Variants in EFCAB14 observed in about 807,000 individuals in gnomAD.
EFCAB14 encodes the protein EF-hand calcium-binding domain-containing protein 14.
Under a neutral mutation model 56.5 loss-of-function variants are expected in EFCAB14, and 43 were observed. The ratio of observed to expected loss-of-function variants is 0.76; its 90% CI spans 0.60 to 0.98. The LOEUF is 0.98. Among genes scored for constraint, EFCAB14 ranks in the 50% least tolerant of loss-of-function variants. EFCAB14 has a pLI of 0.00. For synonymous variants in EFCAB14, 235 were observed against 212.9 expected (o/e 1.10, Z -0.90); for missense variants, 538 against 580.3 (o/e 0.93, Z 0.75).
At chr1:46,695,412 T>C (rs536766571) in intron 4 of EFCAB14, among the ~76,000 whole-genome samples, 3 of 152,188 alleles carry the variant, frequency 2.0e-5, no homozygotes, top group South Asian at 4.1e-4. Flanking sequence ...ATTGGACAAG[T>C]AGCAAATTAT....
intron 5 of EFCAB14, among the ~76,000 whole-genome samples, chr1:46,691,403 CAT>C (rs754513430): frequency 5.9e-5 from 9 of 152,314 alleles, no homozygotes; most frequent in South Asian, 2.1e-4. Context: ...TCCACGAGCA[CAT>C]GTTTCAGCAT....
chr1:46,697,336 C>T (rs953733777), intron 3 of EFCAB14, among the ~76,000 whole-genome samples: 12 of 152,164 alleles, frequency 7.9e-5, no homozygotes, highest in African/African-American at 2.9e-4. Flanking sequence ...ATGAGGCTTC[C>T]GTTCTGCTAT....
chr1:46,707,821 T>C, intron 3 of EFCAB14, 85 bp downstream of exon 3: 1 of 1,353,584 alleles, frequency 7.4e-7, no homozygotes, highest in Non-Finnish European at 9.9e-7. Flanking sequence ...GAATTCCCTA[T>C]ACCTACAATT....
chr1:46,709,976 G>A (rs1466119322), intron 2 of EFCAB14, among the ~76,000 whole-genome samples: 2 of 152,032 alleles, frequency 1.3e-5, no homozygotes, highest in African/African-American at 2.4e-5. Context: ...CGGCCGGAGC[G>A]AGACTCCATC....
At chr1:46,711,873 T>C (rs1677312958) in intron 2 of EFCAB14, among the ~76,000 whole-genome samples, 2 of 152,322 alleles carry the variant, frequency 1.3e-5, no homozygotes, top group Middle Eastern at 6.8e-3. Flanking sequence ...GCCCCCACCA[T>C]GTGTCCATCC....
At chr1:46,697,815 T>C (rs951339931) in intron 3 of EFCAB14, among the ~76,000 whole-genome samples, 3 of 150,630 alleles carry the variant, frequency 2.0e-5, no homozygotes, top group Admixed American at 6.6e-5. Context: ...CAGATTGTAA[T>C]AAGTACTGTG....
At chr1:46,712,529 T>C (rs1028206030) in intron 2 of EFCAB14, among the ~76,000 whole-genome samples, 16 of 152,284 alleles carry the variant, frequency 1.1e-4, no homozygotes, top group Middle Eastern at 3.4e-3. Flanking sequence ...TCTGCTTTGC[T>C]TTCTATTTCA....
chr1:46,718,345 G>A lies in EFCAB14; in HGVS notation c.-258C>T, dbSNP rs1569747385. ...GGAGCTGGTGACCCCAAAGGATAAG[G>A]CCTTGGGTGCAGAGTGTTAGTAGAG... On this transcript the variant is annotated 5_prime_UTR_variant, in exon 1 of 11. Coordinates refer to ENST00000371933, the MANE Select transcript of EFCAB14 (RefSeq NM_014774.3). 6 of 418,452 alleles carry A rather than the reference G, an allele frequency of 1.4e-5. No individual in the cohort carries two copies. The East Asian group carries it at 2.4e-4, about 16-fold the overall frequency. 25.9% of individuals were successfully genotyped at this position (418,452 alleles called of 1,614,324 possible). A position where few individuals can be genotyped will look rare whatever the true frequency, so the allele number is the denominator to read the frequency against.
intron 4 of EFCAB14, among the ~76,000 whole-genome samples, chr1:46,695,198 T>A (rs536924612): frequency 6.6e-6 from 1 of 152,208 alleles, no homozygotes. Flanking sequence ...TGTGCACATG[T>A]ACCCTAGAAC....
At chr1:46,679,599 GTTTTTTTTT>G (rs60875639) in intron 10 of EFCAB14, among the ~76,000 whole-genome samples, 15 of 36,494 alleles carry the variant, frequency 4.1e-4, no homozygotes, top group Non-Finnish European at 5.8e-4. Flanking sequence ...CACCACGCCT[GTTTTTTTTT>G]TTTTTTTTTT....
chr1:46,714,509 G>C (rs1677357591), intron 2 of EFCAB14, among the ~76,000 whole-genome samples: 2 of 151,838 alleles, frequency 1.3e-5, no homozygotes, highest in South Asian at 4.1e-4. Flanking sequence ...AAAGTAATTT[G>C]GGCCGAGCAC....
chr1:46,677,747 A>T lies in EFCAB14; in HGVS notation c.*714T>A, dbSNP rs1275326747. ...TGGGATTAGCTGAGGGAATAGGAAC[A>T]AAGAACCAGAATCCTACTTCCATGA... is the stretch of plus-strand genomic sequence containing the variant. On this transcript the variant is annotated 3_prime_UTR_variant, in exon 11 of 11. Transcript: ENST00000371933. The T allele has an allele frequency of 6.6e-6, 1 of 152,248 alleles. No individual in the cohort carries two copies. The highest frequency in any genetic ancestry group is 1.5e-5 in the Non-Finnish European group (1 of 68,050). 9.4% of individuals were successfully genotyped at this position (152,248 alleles called of 1,614,324 possible). A position where few individuals can be genotyped will look rare whatever the true frequency, so the allele number is the denominator to read the frequency against.
At chr1:46,715,589 G>C (rs1488051831) in intron 2 of EFCAB14, among the ~76,000 whole-genome samples, 2 of 152,014 alleles carry the variant, frequency 1.3e-5, no homozygotes, top group Non-Finnish European at 2.9e-5. Flanking sequence ...CCTGTGAGGT[G>C]GAAGGAATAG....
At chr1:46,684,171 A>T (rs1676841325) in intron 9 of EFCAB14, 1 of 235,448 alleles carries the variant, frequency 4.2e-6, no homozygotes, top group Non-Finnish European at 8.2e-6. Flanking sequence ...AAAGGAAAAG[A>T]CTCTCATAAA....
At position 46,716,369 on chromosome 1, in the gene EFCAB14, G is replaced by A. The variant is rs991517968; in HGVS notation, c.260C>T (p.Ala87Val). The change falls in exon 2 of 11, where the codon GCC becomes GTC. Residue 87 changes from alanine (A) to valine (V), a missense_variant. Coordinates refer to ENST00000371933, the MANE Select transcript of EFCAB14 (RefSeq NM_014774.3). ...CTGCATCCACACCAAGCCAACACAG[G>A]CCACAACACAGGCAGCAAGGATGAC... ...GFVILAACVV[A>V]CVGLVWMQVA... The A allele has an allele frequency of 1.4e-5, 22 of 1,613,330 alleles. No individual in the cohort carries two copies. The highest frequency in any genetic ancestry group is 1.8e-5 in the Non-Finnish European group (21 of 1,179,882).
At chr1:46,683,121 A>G (rs1402271014) in intron 10 of EFCAB14, 179 bp downstream of exon 10, 2 of 645,598 alleles carry the variant, frequency 3.1e-6, no homozygotes, top group Non-Finnish European at 4.9e-6. Flanking sequence ...ATAATACATA[A>G]ATACTTATGT....
intron 3 of EFCAB14, among the ~76,000 whole-genome samples, chr1:46,697,665 T>C (rs1003033918): frequency 2.0e-5 from 3 of 152,156 alleles, no homozygotes; most frequent in Non-Finnish European, 4.4e-5. Flanking sequence ...CTCATTCCTT[T>C]AGCAAATGTT....
intron 9 of EFCAB14, among the ~76,000 whole-genome samples, 153 bp from the exon 10 acceptor site, chr1:46,683,578 G>A (rs1676831452): frequency 6.6e-6 from 1 of 152,208 alleles, no homozygotes; most frequent in South Asian, 2.1e-4. Context: ...TGAAGTTAAA[G>A]GCTTGGATTG....
chr1:46,714,304 G>A (rs1162061650), intron 2 of EFCAB14, among the ~76,000 whole-genome samples: 1 of 152,036 alleles, frequency 6.6e-6, no homozygotes, highest in African/African-American at 2.4e-5. Context: ...CCTTGAGAAA[G>A]CCTTGTGGTC....
Sources: gnomAD v4.1 joint callset for allele counts (sites outside exome capture counted in the v4.1 genomes callset) on GRCh38, gnomAD v4.1.1 for gene constraint, MANE v1.5 for transcripts, NCBI Gene and HGNC (gene_info 2026-07-23, HGNC 2026-07-21) for gene names.